The following NUP214 variants were observed in gnomAD, a reference collection of about 807,000 sequenced individuals.
NUP214 encodes nucleoporin 214.
A neutral mutation model predicts 196.2 loss-of-function variants in NUP214; 79 were observed. The observed-to-expected ratio is 0.40, with a 90% CI of 0.34 to 0.49. The LOEUF (loss-of-function observed/expected upper bound fraction) is 0.49, where lower values mean the gene tolerates loss of function less well. Among genes scored for constraint, NUP214 ranks in the 20% least tolerant of loss-of-function variants. The pLI, the probability that NUP214 is intolerant of heterozygous loss-of-function variation, is 0.58. For missense variants in NUP214, 2,468 were observed against 2,539.0 expected, an observed-to-expected ratio of 0.97 and a Z score of 0.60; for synonymous variants, 1,020 against 990.5, an observed-to-expected ratio of 1.03 and a Z score of -0.56.
At position 131,146,432 on chromosome 9, in the gene NUP214, A is replaced by G. The variant is rs892476505; in HGVS notation, c.1945+128A>G. On this transcript the variant is annotated intron_variant, in intron 13 of 35. Transcript: ENST00000359428. This position sits in a 1 kb window ranked among gnomAD's most constrained non-coding sequence, Gnocchi z 4.6. ...TTTCTTGCTTCCTGTATCATACATT[A>G]ATGATTAATGTGCTGTGATTTTCAT... 6.8e-6 allele frequency: 6 copies of G among 887,320 alleles called. No individual in the cohort carries two copies. The African/African-American group carries it at 1.0e-4, about 15-fold the overall frequency. 55.0% of individuals were successfully genotyped at this position (887,320 alleles called of 1,614,324 possible). A position where few individuals can be genotyped will look rare whatever the true frequency, so the allele number is the denominator to read the frequency against.
chr9:131,162,013 AT>A (rs201791356), intron 18 of NUP214, among the ~76,000 whole-genome samples: 115 of 150,270 alleles, frequency 7.7e-4, no homozygotes, highest in African/African-American at 2.4e-3. Flanking sequence ...GATTTTTTTG[AT>A]TTTTTTTTTA....
chr9:131,173,955 A>T (rs182787934), intron 21 of NUP214, 100 bp from the exon 22 acceptor site: 1 of 1,372,968 alleles, frequency 7.3e-7, no homozygotes, highest in Non-Finnish European at 1.0e-6. Context: ...AAATCATTTT[A>T]CAAGTTGAGT....
rs1389911298 is a variant in NUP214 at position 131,127,540 on chromosome 9, C to T, written c.62C>T (p.Ala21Val). 6.8e-6 allele frequency: 11 copies of T among 1,610,898 alleles called. No individual in the cohort carries two copies. The highest frequency in any genetic ancestry group is 4.5e-5 in the East Asian group (2 of 44,848). The change falls in exon 2 of 36, where the codon GCG becomes GTG. Residue 21 changes from alanine to valine, a missense_variant. Physicochemically the swap from Ala to Val is moderately conservative, Grantham distance 64 (BLOSUM62 0). This residue lies in a region of NUP214 where 392 missense variants were observed against 417.9 expected (regional missense o/e 0.94). Transcript: ENST00000359428. ...TCACAACAGGATTTTCAGTTTAGAGCGCTAAAGAAGGTGAGAATCTTTGAC... is the reference window on the plus strand; with the variant it reads ...TCACAACAGGATTTTCAGTTTAGAGTGCTAAAGAAGGTGAGAATCTTTGAC... Reference protein sequence around the residue: ...EREMKDFQFRALKKVRIFDSP... With the variant: ...EREMKDFQFRVLKKVRIFDSP...
In NUP214 at chr9:131,174,112, T is replaced by G; in HGVS notation, c.2951T>G (p.Val984Gly). ...AGATATTATGAAGACTTGGATGAAG[T>G]CAGCTCAACGTCATCTGTCTCCCAG... ...SQRYYEDLDEVSSTSSVSQSL... is the reference protein window; with the variant it reads ...SQRYYEDLDEGSSTSSVSQSL... The change falls in exon 22 of 36, where the codon GTC (valine) becomes GGC (glycine). Residue 984 changes from valine to glycine, a missense_variant. This residue lies in a region of NUP214 where 1,801 missense variants were observed against 1,779.4 expected (regional missense o/e 1.01). Coordinates refer to ENST00000359428, the MANE Select transcript of NUP214 (RefSeq NM_005085.4). The G allele has an allele frequency of 6.2e-7, 1 of 1,613,844 alleles. No individual in the cohort carries two copies. The highest frequency in any genetic ancestry group is 1.7e-5 in the Admixed American group (1 of 59,840).
At chr9:131,128,569 T>C in intron 3 of NUP214, 86 bp downstream of exon 3, 2 of 1,213,136 alleles carry the variant, frequency 1.6e-6, no homozygotes, top group Non-Finnish European at 2.3e-6. Flanking sequence ...GCTTCATAGG[T>C]TAACCCTTGA....
chr9:131,160,254 A>G (rs1392850274), intron 18 of NUP214, among the ~76,000 whole-genome samples: 1 of 152,246 alleles, frequency 6.6e-6, no homozygotes, highest in Non-Finnish European at 1.5e-5. Context: ...TTGGCTAATA[A>G]GAATGTGGAG....
rs1331478248 is a variant in NUP214, at chr9:131,128,331, G to T, written c.242-1G>T. ...TGCTTTGTATTTTTTTGTTTTCATA[G>T]TTGATAAAGTCCAAGGCTTGCTAGT... On this transcript the variant is annotated splice_acceptor_variant, in intron 2 of 35. Coordinates refer to ENST00000359428, the MANE Select transcript of NUP214 (RefSeq NM_005085.4). LOFTEE classifies it high-confidence loss of function. 3 of 1,604,884 alleles carry T rather than the reference G, an allele frequency of 1.9e-6. No homozygotes were observed. Among genetic ancestry groups the T allele is most frequent in the Admixed American group, 1.7e-5 (1 of 58,512 alleles).
At chr9:131,209,516 A>T (rs1834177941) in intron 30 of NUP214, among the ~76,000 whole-genome samples, 1 of 152,130 alleles carries the variant, frequency 6.6e-6, no homozygotes, top group African/African-American at 2.4e-5. Context: ...TCAGCCTCTC[A>T]AGTAGTAGCT....
chr9:131,205,186 A>T (rs957342957), intron 30 of NUP214, among the ~76,000 whole-genome samples: 6 of 152,254 alleles, frequency 3.9e-5, no homozygotes. Context: ...CACTAAAATT[A>T]TGGCCCTCTT....
At chr9:131,226,143 C>G (rs1834715810) in intron 32 of NUP214, among the ~76,000 whole-genome samples, 1 of 152,188 alleles carries the variant, frequency 6.6e-6, no homozygotes, top group East Asian at 1.9e-4. Flanking sequence ...CAGTTTCCTC[C>G]CCTGTGATGT....
chr9:131,174,453 TTC>T (rs1200943036), intron 22 of NUP214, 135 bp downstream of exon 22: 9,098 of 472,844 alleles, frequency 0.019, 256 homozygotes, highest in African/African-American at 0.061. Context: ...TTTTCTTTTT[TTC>T]TTTTTTTTTT....
chr9:131,174,440 TTTTTTTCTTTTTTTC>T (rs1833048297), intron 22 of NUP214, 122 bp downstream of exon 22: 5 of 538,392 alleles, frequency 9.3e-6, no homozygotes, highest in Non-Finnish European at 1.0e-5. Context: ...CACTTTTTTT[TTTTTTTCTTTTTTTC>T]TTTTTTTTTT....
At chr9:131,145,917 T>G (rs1832075090) in intron 12 of NUP214, among the ~76,000 whole-genome samples, 1 of 152,248 alleles carries the variant, frequency 6.6e-6, no homozygotes, top group African/African-American at 2.4e-5. Context: ...AATTAATTCC[T>G]AAATAAGCAG....
Position 131,163,086 on chromosome 9 carries a change from T to C in NUP214, c.2636T>C (p.Val879Ala), listed in dbSNP as rs1221259906. The change falls in exon 19 of 36, where the codon GTG (valine) becomes GCG (alanine). Residue 879 changes from valine to alanine, a missense_variant. By Grantham distance (64) the Val-to-Ala change is moderately conservative. Transcript: ENST00000359428. ...NQQRKRLNHL[V>A]DSLQQLRLYK... Reference sequence around the variant, plus strand: ...CAGAGGAAGAGGCTGAATCACCTGGTGGATAGTCTTCAGCAGCTCCGCCTT... The same window carrying C: ...CAGAGGAAGAGGCTGAATCACCTGGCGGATAGTCTTCAGCAGCTCCGCCTT... 1 of 1,614,072 alleles carries C rather than the reference T, an allele frequency of 6.2e-7. No homozygotes were observed. Among genetic ancestry groups the C allele is most frequent in the East Asian group, 2.2e-5 (1 of 44,900 alleles).
chr9:131,162,947 C>A (rs1233236762), intron 18 of NUP214, 44 bp from the exon 19 acceptor site: 1 of 1,595,204 alleles, frequency 6.3e-7, no homozygotes. Flanking sequence ...GATTCCTTTA[C>A]TTGAACCATT....
At chr9:131,132,502 G>T in intron 5 of NUP214, 94 bp from the exon 6 acceptor site, 1 of 1,050,590 alleles carries the variant, frequency 9.5e-7, no homozygotes, top group South Asian at 1.3e-5. Context: ...AGATGGAACA[G>T]GTAGCATCTA....
chr9:131,222,105 A>G (rs150779747), intron 31 of NUP214, among the ~76,000 whole-genome samples: 4 of 152,348 alleles, frequency 2.6e-5, no homozygotes, highest in African/African-American at 9.6e-5. Flanking sequence ...CAAGGGCTTC[A>G]TTAAACCTCT....
At chr9:131,209,097 G>T (rs528551070) in intron 30 of NUP214, among the ~76,000 whole-genome samples, 1 of 152,060 alleles carries the variant, frequency 6.6e-6, no homozygotes, top group Non-Finnish European at 1.5e-5. Context: ...AAGGCTGGGC[G>T]CAGTGGCACA....
At chr9:131,220,644 G>A (rs897664066) in intron 31 of NUP214, among the ~76,000 whole-genome samples, 3 of 152,190 alleles carry the variant, frequency 2.0e-5, no homozygotes, top group Non-Finnish European at 4.4e-5. Flanking sequence ...TGCCCTGTGT[G>A]CATCATGTTA....
Sources: allele counts gnomAD v4.1 joint callset (sites outside exome capture counted in the v4.1 genomes callset), GRCh38; gene constraint gnomAD v4.1.1; regional missense constraint gnomAD v4.1.1; non-coding constraint Gnocchi (gnomAD v3.1); transcripts MANE v1.5; gene names NCBI Gene and HGNC (gene_info 2026-07-23, HGNC 2026-07-21).